ZBTB20: variants seen among roughly 807,000 people sequenced by gnomAD.
The protein encoded by ZBTB20 is zinc finger and BTB domain containing 20.
In ZBTB20, 9 loss-of-function variants were observed where a neutral mutation model predicts 56.9. The ratio of observed to expected loss-of-function variants is 0.16; its 90% CI spans 0.10 to 0.28. The LOEUF (loss-of-function observed/expected upper bound fraction) is 0.28, where lower values mean the gene tolerates loss of function less well. Among genes scored for constraint, ZBTB20 ranks in the 10% least tolerant of loss-of-function variants. ZBTB20 has a pLI of 1.00. For missense variants in ZBTB20, 655 were observed against 1,003.0 expected, an observed-to-expected ratio of 0.65 and a Z score of 4.69; for synonymous variants, 417 against 420.7, an observed-to-expected ratio of 0.99 and a Z score of 0.11.
In ZBTB20 at chr3:115,135,653, A is replaced by T. The variant is rs115403786; in HGVS notation, c.-703+11566T>A. ...TGCCAATGTCTAACAAGTTTTATAA[A>T]TATGAAAAAGTATGTCAGCTATTTA... On this transcript the variant is annotated intron_variant, in intron 1 of 11. Transcript: ENST00000675478. 2.6e-3 allele frequency among the ~76,000 whole-genome samples: 391 copies of T among 152,318 alleles called. 2 individuals carry two copies. Among genetic ancestry groups the T allele is most frequent in the African/African-American group, 9.2e-3 (383 of 41,568 alleles).
chr3:114,982,659 G>A (rs2108095938), intron 2 of ZBTB20, among the ~76,000 whole-genome samples: 1 of 152,072 alleles, frequency 6.6e-6, no homozygotes, highest in South Asian at 2.1e-4. Context: ...AAGTATAAAA[G>A]GGCACAATAA....
At chr3:115,042,019 C>T (rs1033613549) in intron 2 of ZBTB20, among the ~76,000 whole-genome samples, 2 of 152,018 alleles carry the variant, frequency 1.3e-5, no homozygotes, top group Non-Finnish European at 1.5e-5. Flanking sequence ...CCATCCCCAG[C>T]TAAGAATCCA....
chr3:114,872,336 G>A (rs2076045517), intron 4 of ZBTB20, among the ~76,000 whole-genome samples: 1 of 152,126 alleles, frequency 6.6e-6, no homozygotes, highest in Non-Finnish European at 1.5e-5. Context: ...CAGGTCTGAT[G>A]TAGAAAACAT....
intron 4 of ZBTB20, among the ~76,000 whole-genome samples, chr3:114,863,486 A>G (rs1245890344): frequency 6.6e-6 from 1 of 152,150 alleles, no homozygotes; most frequent in African/African-American, 2.4e-5. Context: ...TAAATTATCT[A>G]GAGATTAATA....
At chr3:114,823,595 A>G (rs1302996386) in intron 4 of ZBTB20, among the ~76,000 whole-genome samples, 2 of 152,090 alleles carry the variant, frequency 1.3e-5, no homozygotes, top group Non-Finnish European at 2.9e-5. Context: ...AAAGCACACT[A>G]TAGACTTGAC....
chr3:115,114,952 T>C (rs1165721858), intron 1 of ZBTB20, among the ~76,000 whole-genome samples: 5 of 152,154 alleles, frequency 3.3e-5, no homozygotes, highest in African/African-American at 1.2e-4. Context: ...AATTTCTTAT[T>C]ACTTCTCAAT....
chr3:114,318,004 T>C lies in ZBTB20; in HGVS notation c.*21001A>G, dbSNP rs2078753033. 1.3e-5 allele frequency: 2 copies of C among 152,234 alleles called. No homozygotes were observed. Among genetic ancestry groups the C allele is most frequent in the South Asian group, 4.1e-4 (2 of 4,828 alleles). The allele number at this position is 152,234 out of a possible 1,614,324, so 9.4% of individuals were successfully genotyped here. ...TAGAGTCCAGAAAGGAATTTGTTTGTCTTGGTCTGGAAAGTGCCCCAGTTA... is the reference window on the plus strand; with the variant it reads ...TAGAGTCCAGAAAGGAATTTGTTTGCCTTGGTCTGGAAAGTGCCCCAGTTA... On this transcript the variant is annotated 3_prime_UTR_variant, in exon 12 of 12. Coordinates refer to ENST00000675478, the MANE Select transcript of ZBTB20 (RefSeq NM_001348800.3).
chr3:114,556,527 T>C (rs918567097), intron 6 of ZBTB20, among the ~76,000 whole-genome samples: 4 of 152,074 alleles, frequency 2.6e-5, no homozygotes, highest in African/African-American at 4.8e-5. Flanking sequence ...TCTGTATGAA[T>C]TGAATGGCTC....
At chr3:114,769,761 T>C (rs1004314569) in intron 5 of ZBTB20, among the ~76,000 whole-genome samples, 3 of 151,780 alleles carry the variant, frequency 2.0e-5, no homozygotes, top group African/African-American at 4.8e-5. Flanking sequence ...TGCAAAGGCA[T>C]AGGAATGATG....
intron 6 of ZBTB20, among the ~76,000 whole-genome samples, chr3:114,605,655 T>C (rs1315584789): frequency 6.6e-6 from 1 of 152,148 alleles, no homozygotes; most frequent in Non-Finnish European, 1.5e-5. Context: ...CCTGCTGTAA[T>C]TGACTTAAGC....
chr3:114,712,114 T>C (rs1033628101), intron 5 of ZBTB20, among the ~76,000 whole-genome samples: 1 of 152,190 alleles, frequency 6.6e-6, no homozygotes, highest in Non-Finnish European at 1.5e-5. Flanking sequence ...TATCAGATGT[T>C]AGGTGATGAA....
intron 6 of ZBTB20, among the ~76,000 whole-genome samples, chr3:114,612,779 A>T (rs997174291): frequency 2.6e-5 from 4 of 152,148 alleles, no homozygotes; most frequent in African/African-American, 7.2e-5. Context: ...AGGGTATAAG[A>T]TCTCTGATAT....
At chr3:115,008,664 A>T (rs2079571853) in intron 2 of ZBTB20, among the ~76,000 whole-genome samples, 2 of 151,914 alleles carry the variant, frequency 1.3e-5, no homozygotes. Context: ...TAAAATCTAG[A>T]TCCACTTCTG....
chr3:114,369,634 C>T (rs949094831), intron 10 of ZBTB20, among the ~76,000 whole-genome samples: 2 of 152,126 alleles, frequency 1.3e-5, no homozygotes, highest in Non-Finnish European at 2.9e-5. Flanking sequence ...ATGTCTTGGA[C>T]CATCACAGAA....
chr3:114,815,010 T>C (rs1181427699), intron 4 of ZBTB20, among the ~76,000 whole-genome samples: 1 of 152,234 alleles, frequency 6.6e-6, no homozygotes, highest in African/African-American at 2.4e-5. Context: ...ATTGTATTAA[T>C]ATTAGCTGGC....
intron 4 of ZBTB20, among the ~76,000 whole-genome samples, chr3:114,802,361 CT>C (rs1268128428): frequency 1.3e-5 from 2 of 151,780 alleles, no homozygotes; most frequent in African/African-American, 4.8e-5. Context: ...TTCCTGTTTT[CT>C]TTTTCTCTTG....
intron 6 of ZBTB20, among the ~76,000 whole-genome samples, chr3:114,644,326 C>G (rs1307071282): frequency 6.6e-6 from 1 of 152,062 alleles, no homozygotes; most frequent in Non-Finnish European, 1.5e-5. Context: ...TTCTTTCTTT[C>G]TGGTCCAACT....
chr3:114,625,612 G>T (rs2058614325), intron 6 of ZBTB20, among the ~76,000 whole-genome samples: 1 of 152,072 alleles, frequency 6.6e-6, no homozygotes, highest in African/African-American at 2.4e-5. Flanking sequence ...GAGCTTGGGT[G>T]GGGGTAGAGA....
chr3:114,776,435 G>A (rs2069612855), intron 5 of ZBTB20, among the ~76,000 whole-genome samples: 1 of 152,148 alleles, frequency 6.6e-6, no homozygotes, highest in African/African-American at 2.4e-5. Flanking sequence ...AGATTGCAGT[G>A]ATGTGGCCAC....
Sources: allele counts gnomAD v4.1 joint callset (sites outside exome capture counted in the v4.1 genomes callset), GRCh38; gene constraint gnomAD v4.1.1; transcripts MANE v1.5; gene names NCBI Gene and HGNC (gene_info 2026-07-23, HGNC 2026-07-21).